The following PXDN variants were observed in gnomAD, a reference collection of about 807,000 sequenced individuals.
PXDN encodes the protein peroxidasin homolog.
PXDN carries 77 observed loss-of-function variants against 140.3 expected under a neutral mutation model. The ratio of observed to expected loss-of-function variants is 0.55; its 90% CI spans 0.46 to 0.66. The LOEUF (loss-of-function observed/expected upper bound fraction) is 0.66. Among genes scored for constraint, PXDN ranks in the 30% least tolerant of loss-of-function variants. The pLI, the probability that PXDN is intolerant of heterozygous loss-of-function variation, is 0.00. For synonymous variants in PXDN, 911 were observed against 857.4 expected (o/e 1.06, Z -1.09); for missense variants, 1,838 against 2,039.5 (o/e 0.90, Z 1.90).
At position 1,637,356 on chromosome 2, in the gene PXDN, C is replaced by T. The variant is rs533050661; in HGVS notation, c.4206+1490G>A. On this transcript the variant is annotated intron_variant, in intron 21 of 22. Transcript: ENST00000252804. ...ACTTGGGCAGCTGCCGGGGGATGTGCACCTGGTCTCTAGGCTGCGGAGGGA... is the reference window on the plus strand; with the variant it reads ...ACTTGGGCAGCTGCCGGGGGATGTGTACCTGGTCTCTAGGCTGCGGAGGGA... Among the ~76,000 whole-genome samples, 7 of 151,930 alleles carry T rather than the reference C, an allele frequency of 4.6e-5. No homozygotes were observed. The South Asian group carries it at 1.4e-3, about 31-fold the overall frequency.
In PXDN at chr2:1,649,618, G is replaced by A. The variant is rs377269649; in HGVS notation, c.2162C>T (p.Ser721Leu). 1.6e-5 allele frequency: 26 copies of A among 1,613,814 alleles called. No individual in the cohort carries two copies. Among genetic ancestry groups the A allele is most frequent in the Non-Finnish European group, 2.1e-5 (25 of 1,179,866 alleles). Reference protein sequence around the residue: ...PQYLNLIANLSGCTAHRRVNN... With the variant: ...PQYLNLIANLLGCTAHRRVNN... ...CACGCGCCGGTGGGCGGTACAGCCC[G>A]ACAGGTTTGCGATGAGGTTCAGGTA... Residue 721 changes from serine to leucine, a missense_variant, in exon 17 of 23, where the codon TCG becomes TTG. By Grantham distance (145) the Ser-to-Leu change is moderately radical. Around this residue, in one of 5 missense-constraint regions of PXDN, gnomAD observed 537 missense variants for 583.9 expected, o/e 0.92. Transcript: ENST00000252804. This position sits in a 1 kb window ranked among gnomAD's most constrained non-coding sequence, Gnocchi z 7.1.
chr2:1,679,986 T>C (rs553721399), intron 7 of PXDN, among the ~76,000 whole-genome samples: 1 of 150,876 alleles, frequency 6.6e-6, no homozygotes, highest in Non-Finnish European at 1.5e-5. Flanking sequence ...AAATGGTGTG[T>C]GTGTAAATGG....
At chr2:1,705,761 C>G (rs568977091) in intron 1 of PXDN, among the ~76,000 whole-genome samples, 7 of 151,446 alleles carry the variant, frequency 4.6e-5, no homozygotes, top group African/African-American at 1.7e-4. Flanking sequence ...TGCCCATGAC[C>G]TGGGACACAG....
In PXDN at chr2:1,695,459, C is replaced by T. The variant is rs1206160987; in HGVS notation, c.201-2325G>A. On this transcript the variant is annotated intron_variant, in intron 1 of 22. Coordinates refer to ENST00000252804, the MANE Select transcript of PXDN (RefSeq NM_012293.3). ...GCTGGACAGAGAGGTGCTGTCCCATCCACAGGCCCCTGTGCCCTGCTGGAC... is the reference window on the plus strand; with the variant it reads ...GCTGGACAGAGAGGTGCTGTCCCATTCACAGGCCCCTGTGCCCTGCTGGAC... 6.3e-4 allele frequency among the ~76,000 whole-genome samples: 65 copies of T among 102,800 alleles called. 1 individual carries two copies. The highest frequency in any genetic ancestry group is 6.3e-4 in the African/African-American group (16 of 25,478). The allele number at this position is 102,800 out of a possible 152,430, so 67.4% of individuals were successfully genotyped here. A position where few individuals can be genotyped will look rare whatever the true frequency, so the allele number is the denominator to read the frequency against.
At chr2:1,719,646 A>T (rs1684970547) in intron 1 of PXDN, among the ~76,000 whole-genome samples, 1 of 152,192 alleles carries the variant, frequency 6.6e-6, no homozygotes, top group Admixed American at 6.5e-5. Flanking sequence ...CTCAGGAGAC[A>T]GCACTGGCTG....
intron 6 of PXDN, among the ~76,000 whole-genome samples, chr2:1,682,706 A>G (rs1683935740): frequency 3.3e-5 from 5 of 152,092 alleles, no homozygotes; most frequent in African/African-American, 1.2e-4. Context: ...TTGGGAGCCC[A>G]AGAAGGGCGG....
rs1404509925 is a variant in PXDN at position 1,714,231 on chromosome 2, A to G, written c.201-21097T>C. ...CTATGGATTTACACGTCACACCCGC[A>G]GCACCCTTGCGTAGGTAGTTGAGGG... is the stretch of plus-strand genomic sequence containing the variant. On this transcript the variant is annotated intron_variant, in intron 1 of 22. Coordinates refer to ENST00000252804, the MANE Select transcript of PXDN (RefSeq NM_012293.3). This position sits in a 1 kb window ranked among gnomAD's most constrained non-coding sequence, Gnocchi z 4.3. Among the ~76,000 whole-genome samples, 1 of 152,194 alleles carries G rather than the reference A, an allele frequency of 6.6e-6. No individual in the cohort carries two copies. Among genetic ancestry groups the G allele is most frequent in the African/African-American group, 2.4e-5 (1 of 41,448 alleles).
intron 14 of PXDN, among the ~76,000 whole-genome samples, chr2:1,656,689 CCT>C (rs1202728976): frequency 6.6e-6 from 1 of 151,452 alleles, no homozygotes; most frequent in Non-Finnish European, 1.5e-5. Context: ...GACCTGCCCC[CCT>C]GACAGAAACC....
chr2:1,648,459 C>T lies in PXDN; in HGVS notation c.3321G>A (p.Arg1107=). 2 of 1,610,670 alleles carry T rather than the reference C, an allele frequency of 1.2e-6. No individual in the cohort carries two copies. Among genetic ancestry groups the T allele is most frequent in the Non-Finnish European group, 1.7e-6 (2 of 1,179,834 alleles). ...PLHKAFFSPF[R]IVNEGGIDPL... The stretch of plus-strand genomic sequence containing the variant: ...GATCGATGCCGCCCTCATTCACAAT[C>T]CGGAAGGGAGAGAAGAAAGCTTTGT... The change falls in exon 17 of 23, where the codon CGG becomes CGA. Residue 1107 remains arginine (R), a synonymous_variant. Coordinates refer to ENST00000252804, the MANE Select transcript of PXDN (RefSeq NM_012293.3). This position sits in a 1 kb window ranked among gnomAD's most constrained non-coding sequence, Gnocchi z 8.9.
chr2:1,644,845 C>T, intron 17 of PXDN, 93 bp from the exon 18 acceptor site: 1 of 1,242,366 alleles, frequency 8.0e-7, no homozygotes, highest in Admixed American at 3.6e-5. Context: ...CTTTCTATCA[C>T]TATTTTACAT....
chr2:1,728,569 T>C (rs1156744359), intron 1 of PXDN, among the ~76,000 whole-genome samples: 2 of 152,322 alleles, frequency 1.3e-5, no homozygotes, highest in African/African-American at 2.4e-5. Context: ...GTTTCCACTC[T>C]CCTGCCGTAA....
Position 1,648,998 on chromosome 2 carries a change from C to T in PXDN, c.2782G>A (p.Asp928Asn), listed in dbSNP as rs373205885. 2 of 1,611,906 alleles carry T rather than the reference C, an allele frequency of 1.2e-6. No individual in the cohort carries two copies. Among genetic ancestry groups the T allele is most frequent in the Non-Finnish European group, 1.7e-6 (2 of 1,179,394 alleles). Reference protein sequence around the residue: ...STEHEARSIRDLASHRGLLRQ... With the variant: ...STEHEARSIRNLASHRGLLRQ... ...AGCAGGCCGCGGTGGCTGGCCAGGT[C>T]GCGGATGCTGCGGGCCTCATGCTCC... The change falls in exon 17 of 23, where the codon GAC becomes AAC. Residue 928 changes from aspartate to asparagine, a missense_variant. By Grantham distance (23) the Asp-to-Asn change is conservative. Around this residue, in one of 5 missense-constraint regions of PXDN, gnomAD observed 850 missense variants for 894.1 expected, o/e 0.95. Transcript: ENST00000252804. The surrounding 1 kb of genome is among the most constrained non-coding windows in gnomAD (Gnocchi z 8.9).
At position 1,635,483 on chromosome 2, in the gene PXDN, G is replaced by C; in HGVS notation, c.4245C>G (p.Cys1415Trp). ...CGTGAGATTCGCCCCCGGCATCCACGCACTCTGTGGTACTGAGCCGTGATT... is the reference window on the plus strand; with the variant it reads ...CGTGAGATTCGCCCCCGGCATCCACCCACTCTGTGGTACTGAGCCGTGATT... ...KLESRLSTTE[C>W]VDAGGESHAN... is the part of the protein sequence containing the mutation. The change falls in exon 22 of 23, where the codon TGC becomes TGG. Residue 1415 changes from cysteine to tryptophan, a missense_variant. Cys to Trp is a radical substitution (Grantham distance 215, BLOSUM62 -2). This residue lies in a region of PXDN where 850 missense variants were observed against 894.1 expected (regional missense o/e 0.95). Coordinates refer to ENST00000252804, the MANE Select transcript of PXDN (RefSeq NM_012293.3). The C allele has an allele frequency of 1.9e-6, 3 of 1,599,458 alleles. No homozygotes were observed. Among genetic ancestry groups the C allele is most frequent in the Non-Finnish European group, 2.6e-6 (3 of 1,172,212 alleles).
At position 1,639,311 on chromosome 2, in the gene PXDN, T is replaced by C; in HGVS notation, c.4064A>G (p.Lys1355Arg). 1 of 1,613,342 alleles carries C rather than the reference T, an allele frequency of 6.2e-7. No individual in the cohort carries two copies. The highest frequency in any genetic ancestry group is 8.5e-7 in the Non-Finnish European group (1 of 1,179,596). Residue 1355 changes from lysine (K) to arginine (R), a missense_variant, in exon 20 of 23, where the codon AAA (lysine) becomes AGA (arginine). Physicochemically the swap from Lys to Arg is conservative, Grantham distance 26. Coordinates refer to ENST00000252804, the MANE Select transcript of PXDN (RefSeq NM_012293.3). The surrounding 1 kb of genome is among the most constrained non-coding windows in gnomAD (Gnocchi z 5.0). ...TCAGAGACCACCATACCTGGGTATT[T>C]TCCGTGGTCTTGTTTTCTTGGTCGG... is the stretch of plus-strand genomic sequence containing the variant. ...DKPTKKTRPRKIPSVGRQGEH... is the reference protein window; with the variant it reads ...DKPTKKTRPRRIPSVGRQGEH...
Position 1,698,467 on chromosome 2 carries a change from C to A in PXDN, c.201-5333G>T, listed in dbSNP as rs183323850. 2.9e-3 allele frequency among the ~76,000 whole-genome samples: 447 copies of A among 152,206 alleles called. 2 individuals are homozygous for A. Among genetic ancestry groups the A allele is most frequent in the Non-Finnish European group, 3.1e-3 (213 of 68,020 alleles). ...AATGGTCGAGCACACTAAGGCACAG[C>A]ACATGAAGGTGGCTGACTGAGGGAA... On this transcript the variant is annotated intron_variant, in intron 1 of 22. Transcript: ENST00000252804.
rs1683365413 is a variant in PXDN, at chr2:1,663,772, G to C, written c.1409-9C>G. The C allele has an allele frequency of 6.2e-7, 1 of 1,610,842 alleles. No individual in the cohort carries two copies. The highest frequency in any genetic ancestry group is 1.3e-5 in the African/African-American group (1 of 75,030). On this transcript the variant is annotated splice_polypyrimidine_tract_variant and intron_variant, in intron 11 of 22. Transcript: ENST00000252804. ...CACGGAGAGCTGGCTCCCTGCAAGG[G>C]CATGGGCCCGTTACACTGGACACTC...
upstream of PXDN, chr2:1,744,642 C>T (rs2125501250): frequency 4.2e-6 from 2 of 474,058 alleles, no homozygotes; most frequent in Admixed American, 4.8e-5. Flanking sequence ...GAACCCGGGG[C>T]CCCAGCGTCC....
At position 1,689,364 on chromosome 2, in the gene PXDN, C is replaced by A. The variant is rs556246609; in HGVS notation, c.345-1661G>T. Among the ~76,000 whole-genome samples the A allele has an allele frequency of 2.6e-5, 4 of 152,276 alleles. No individual in the cohort carries two copies. In the South Asian group the frequency reaches 6.2e-4, roughly 24 times the overall value. On this transcript the variant is annotated intron_variant, in intron 3 of 22. Coordinates refer to ENST00000252804, the MANE Select transcript of PXDN (RefSeq NM_012293.3). ...AAACAAAGTATCAATGAGAACATCGCTTTAGACCCATTTTAAAAAATGAAA... is the reference window on the plus strand; with the variant it reads ...AAACAAAGTATCAATGAGAACATCGATTTAGACCCATTTTAAAAAATGAAA...
chr2:1,658,069 T>TCCCC lies in PXDN; in HGVS notation c.1837+2811_1837+2812insGGGG, dbSNP rs1683202218. ...CTCTCTCTCTCTCTCTCTCTCTCTC[T>TCCCC]CTCTCTCTCTCTCTCTCTCTCTCTG... is the stretch of plus-strand genomic sequence containing the variant. On this transcript the variant is annotated intron_variant, in intron 14 of 22. Coordinates refer to ENST00000252804, the MANE Select transcript of PXDN (RefSeq NM_012293.3). Among the ~76,000 whole-genome samples, 8 of 74,704 alleles carry TCCCC rather than the reference T, an allele frequency of 1.1e-4. 2 individuals carry two copies. The highest frequency in any genetic ancestry group is 9.4e-4 in the East Asian group (3 of 3,186). The allele number at this position is 74,704 out of a possible 152,430, so 49.0% of individuals were successfully genotyped here. A position where few individuals can be genotyped will look rare whatever the true frequency, so the allele number is the denominator to read the frequency against.
Sources: allele counts gnomAD v4.1 joint callset (sites outside exome capture counted in the v4.1 genomes callset), GRCh38; gene constraint gnomAD v4.1.1; regional missense constraint gnomAD v4.1.1; non-coding constraint Gnocchi (gnomAD v3.1); transcripts MANE v1.5; gene names NCBI Gene and HGNC (gene_info 2026-07-23, HGNC 2026-07-21).